The following CCSER1 variants were observed in gnomAD, a reference collection of about 807,000 sequenced individuals.
CCSER1 encodes the protein coiled-coil serine rich protein 1.
CCSER1 carries 41 observed loss-of-function variants against 82.0 expected under a neutral mutation model. That is an observed-to-expected ratio of 0.50 (90% confidence interval 0.39 to 0.65). CCSER1 has a LOEUF of 0.65. CCSER1 is among the 30% of genes least tolerant of loss of function. CCSER1 has a pLI of 0.00. For synonymous variants in CCSER1, 414 were observed against 383.9 expected (o/e 1.08, Z -0.92); for missense variants, 1,119 against 1,064.2 (o/e 1.05, Z -0.72).
intron 6 of CCSER1, among the ~76,000 whole-genome samples, chr4:90,662,753 T>A (rs558033390): frequency 6.2e-4 from 95 of 152,332 alleles, no homozygotes; most frequent in African/African-American, 1.9e-3. Flanking sequence ...AAGCTAGTGA[T>A]CCTAGTAAGT....
intron 10 of CCSER1, among the ~76,000 whole-genome samples, chr4:91,261,732 CAA>C (rs1741147929): frequency 3.0e-5 from 1 of 33,012 alleles, no homozygotes; most frequent in Non-Finnish European, 5.5e-5. Flanking sequence ...CAAATGAAAA[CAA>C]CAACAGTGAA....
chr4:91,163,031 C>T (rs915063312), intron 10 of CCSER1, among the ~76,000 whole-genome samples: 13 of 152,146 alleles, frequency 8.5e-5, no homozygotes, highest in African/African-American at 2.7e-4. Flanking sequence ...GTTAGGCTGT[C>T]AATTTTACAT....
chr4:91,397,014 A>G (rs1752025893), intron 10 of CCSER1, among the ~76,000 whole-genome samples: 2 of 152,068 alleles, frequency 1.3e-5, no homozygotes, highest in Non-Finnish European at 2.9e-5. Flanking sequence ...CTAGCCAAGC[A>G]ACCAAGCTAG....
At chr4:90,340,343 C>A (rs1003799041) in intron 3 of CCSER1, among the ~76,000 whole-genome samples, 2 of 152,062 alleles carry the variant, frequency 1.3e-5, no homozygotes, top group Admixed American at 6.6e-5. Flanking sequence ...TAAAAGCAAG[C>A]GGAGTTTGAC....
At chr4:91,111,888 T>C (rs758428868) in intron 10 of CCSER1, among the ~76,000 whole-genome samples, 8 of 144,764 alleles carry the variant, frequency 5.5e-5, no homozygotes, top group Non-Finnish European at 9.2e-5. Flanking sequence ...GATGGCCAAA[T>C]TTAATAGGGT....
intron 3 of CCSER1, among the ~76,000 whole-genome samples, chr4:90,328,861 A>G (rs928604115): frequency 6.6e-6 from 1 of 152,148 alleles, no homozygotes; most frequent in Admixed American, 6.6e-5. Flanking sequence ...GGAAGTTTTG[A>G]CTATGACTTT....
intron 5 of CCSER1, among the ~76,000 whole-genome samples, chr4:90,539,472 A>G (rs1560685489): frequency 6.6e-6 from 1 of 152,092 alleles, no homozygotes; most frequent in African/African-American, 2.4e-5. Context: ...GTAAGCTCTC[A>G]TAAGACCAAA....
chr4:91,458,058 T>G (rs1468325399), intron 10 of CCSER1, among the ~76,000 whole-genome samples: 2 of 152,196 alleles, frequency 1.3e-5, no homozygotes, highest in Admixed American at 1.3e-4. Flanking sequence ...TTTGAGGTCT[T>G]TCTCAAGAAA....
At chr4:91,148,354 A>T (rs545701531) in intron 10 of CCSER1, among the ~76,000 whole-genome samples, 1 of 152,266 alleles carries the variant, frequency 6.6e-6, no homozygotes, top group Non-Finnish European at 1.5e-5. Flanking sequence ...CGAAGCTGGA[A>T]CTCTATTAAT....
intron 4 of CCSER1, among the ~76,000 whole-genome samples, chr4:90,434,220 TTTAAG>T (rs1285590639): frequency 8.5e-5 from 13 of 152,156 alleles, no homozygotes; most frequent in African/African-American, 3.1e-4. Context: ...ATTTTTTCCT[TTTAAG>T]TTAAGCAAAA....
chr4:90,771,913 A>C (rs1248201662), intron 7 of CCSER1, among the ~76,000 whole-genome samples: 5 of 152,108 alleles, frequency 3.3e-5, no homozygotes, highest in Non-Finnish European at 7.4e-5. Flanking sequence ...AGGAGCTAAA[A>C]CATATAGCCA....
intron 10 of CCSER1, among the ~76,000 whole-genome samples, chr4:91,124,867 A>C (rs1478454004): frequency 2.6e-5 from 4 of 151,646 alleles, no homozygotes; most frequent in Non-Finnish European, 4.4e-5. Flanking sequence ...TCCTAGATGA[A>C]TTTAAATTTT....
At chr4:91,044,068 A>C (rs1742225651) in intron 9 of CCSER1, among the ~76,000 whole-genome samples, 2 of 152,348 alleles carry the variant, frequency 1.3e-5, no homozygotes, top group Admixed American at 6.5e-5. Flanking sequence ...TTTACTAAAG[A>C]AACCACTAGT....
At chr4:91,396,357 A>G (rs187182407) in intron 10 of CCSER1, among the ~76,000 whole-genome samples, 34 of 152,244 alleles carry the variant, frequency 2.2e-4, no homozygotes, top group Admixed American at 5.9e-4. Flanking sequence ...AAGTCTGATG[A>G]TGATATCTCA....
chr4:91,150,929 C>A (rs545761862), intron 10 of CCSER1, among the ~76,000 whole-genome samples: 1 of 152,070 alleles, frequency 6.6e-6, no homozygotes, highest in Non-Finnish European at 1.5e-5. Flanking sequence ...GTCTAAAATT[C>A]TCTTTTTTTG....
intron 4 of CCSER1, among the ~76,000 whole-genome samples, chr4:90,436,498 G>A (rs1474308083): frequency 6.6e-6 from 1 of 152,092 alleles, no homozygotes; most frequent in East Asian, 1.9e-4. Context: ...TCAAAGCAGA[G>A]CAATAATAAA....
chr4:91,087,601 A>T (rs544577496), intron 10 of CCSER1, among the ~76,000 whole-genome samples: 1 of 152,224 alleles, frequency 6.6e-6, no homozygotes, highest in African/African-American at 2.4e-5. Context: ...AATAATTTAC[A>T]ATTTAATGTA....
At chr4:90,749,193 C>A (rs1335803718) in intron 7 of CCSER1, among the ~76,000 whole-genome samples, 1 of 150,916 alleles carries the variant, frequency 6.6e-6, no homozygotes, top group Non-Finnish European at 1.5e-5. Flanking sequence ...AGTCTTTAAT[C>A]CATCTTGAAT....
At chr4:91,156,064 C>T (rs777811598) in intron 10 of CCSER1, among the ~76,000 whole-genome samples, 15 of 151,716 alleles carry the variant, frequency 9.9e-5, no homozygotes, top group Non-Finnish European at 1.9e-4. Context: ...ATATCTGAGA[C>T]TTGCTTCAAA....
Sources: allele counts gnomAD v4.1 joint callset (sites outside exome capture counted in the v4.1 genomes callset), GRCh38; gene constraint gnomAD v4.1.1; transcripts MANE v1.5; gene names NCBI Gene and HGNC (gene_info 2026-07-23, HGNC 2026-07-21).